The following KCNN2 variants were observed in gnomAD, a reference collection of about 807,000 sequenced individuals.
KCNN2 encodes potassium calcium-activated channel subfamily N member 2.
In KCNN2, 24 loss-of-function variants were observed where a neutral mutation model predicts 55.5. That is an observed-to-expected ratio of 0.43 (90% confidence interval 0.31 to 0.61). KCNN2 has a LOEUF of 0.61. Among genes scored for constraint, KCNN2 ranks in the 20% least tolerant of loss-of-function variants. KCNN2 has a pLI of 0.08. For synonymous variants in KCNN2, 431 were observed against 336.1 expected (o/e 1.28, Z -3.09); for missense variants, 754 against 853.6 (o/e 0.88, Z 1.45).
At chr5:114,058,089 A>G (rs1161283148) in intron 1 of KCNN2, among the ~76,000 whole-genome samples, 1 of 152,204 alleles carries the variant, frequency 6.6e-6, no homozygotes, top group African/African-American at 2.4e-5. Flanking sequence ...TGTTCGACAG[A>G]AGACATGCAT....
At chr5:114,379,172 C>T (rs1758026951) in intron 2 of KCNN2, among the ~76,000 whole-genome samples, 1 of 151,966 alleles carries the variant, frequency 6.6e-6, no homozygotes, top group South Asian at 2.1e-4. Flanking sequence ...CATTTGCTGT[C>T]TTAGAGAAGG....
intron 1 of KCNN2, among the ~76,000 whole-genome samples, chr5:114,123,991 A>C (rs1751878574): frequency 6.6e-6 from 1 of 152,186 alleles, no homozygotes; most frequent in African/African-American, 2.4e-5. Flanking sequence ...TTTTGCAACA[A>C]GAATGTTGTT....
chr5:114,189,431 C>T (rs1296210207), intron 1 of KCNN2, among the ~76,000 whole-genome samples: 1 of 152,050 alleles, frequency 6.6e-6, no homozygotes, highest in African/African-American at 2.4e-5. Context: ...GGATTGAGGC[C>T]ACCCACATTA....
chr5:114,300,869 C>T (rs1018915694), intron 2 of KCNN2, among the ~76,000 whole-genome samples: 6 of 152,096 alleles, frequency 3.9e-5, no homozygotes, highest in African/African-American at 1.2e-4. Flanking sequence ...TGAATTTTAG[C>T]GCTATCCCAC....
chr5:114,148,079 C>T (rs552141115), intron 1 of KCNN2, among the ~76,000 whole-genome samples: 2 of 152,184 alleles, frequency 1.3e-5, no homozygotes, highest in Non-Finnish European at 2.9e-5. Flanking sequence ...GACTGTTAAT[C>T]ATTCCTTGAG....
At chr5:114,286,301 A>T (rs961902491) in intron 2 of KCNN2, among the ~76,000 whole-genome samples, 2 of 152,184 alleles carry the variant, frequency 1.3e-5, no homozygotes. Context: ...TTTAGTTTTG[A>T]ACATGCCCTT....
chr5:114,087,576 C>G (rs1327441883), intron 1 of KCNN2, among the ~76,000 whole-genome samples: 2 of 152,112 alleles, frequency 1.3e-5, no homozygotes, highest in Non-Finnish European at 2.9e-5. Context: ...TGTCAAAGAT[C>G]AGATGGCTGT....
At chr5:114,162,419 G>C (rs1001528234) in intron 1 of KCNN2, among the ~76,000 whole-genome samples, 3 of 152,290 alleles carry the variant, frequency 2.0e-5, no homozygotes, top group Non-Finnish European at 4.4e-5. Flanking sequence ...CCTACTGGGG[G>C]GTGCCTCCCA....
chr5:114,188,866 ATCTG>A (rs2112560836), intron 1 of KCNN2, among the ~76,000 whole-genome samples: 1 of 152,310 alleles, frequency 6.6e-6, no homozygotes, highest in South Asian at 2.1e-4. Context: ...GTACTGTAAA[ATCTG>A]TTTTTCTCAA....
At chr5:114,209,229 T>C (rs1753831462) in intron 1 of KCNN2, among the ~76,000 whole-genome samples, 1 of 152,008 alleles carries the variant, frequency 6.6e-6, no homozygotes, top group Admixed American at 6.6e-5. Context: ...TAATTTTTAA[T>C]TTTTGCCTTT....
rs549584259 is a variant in KCNN2, at chr5:114,228,424, CCAAA to C, written c.-185+6862_-185+6865del. On this transcript the variant is annotated intron_variant, in intron 2 of 10. Coordinates refer to the KCNN2 transcript ENST00000512097. ...ATTTCAAATTTAAAAATATTGTCAA[CCAAA>C]CAGATTTTAAAAGCAGACAGTTTAA... Among the ~76,000 whole-genome samples, 241 of 152,074 alleles carry C rather than the reference CCAAA, an allele frequency of 1.6e-3. 1 individual carries two copies. Among genetic ancestry groups the C allele is most frequent in the African/African-American group, 5.3e-3 (220 of 41,536 alleles).
chr5:114,395,016 G>T (rs1472112418), intron 2 of KCNN2, among the ~76,000 whole-genome samples: 1 of 152,130 alleles, frequency 6.6e-6, no homozygotes, highest in Non-Finnish European at 1.5e-5. Flanking sequence ...TTAAGCCCCA[G>T]TTTTTTGCTG....
chr5:114,261,898 A>G (rs563390936), intron 2 of KCNN2, among the ~76,000 whole-genome samples: 5 of 152,310 alleles, frequency 3.3e-5, no homozygotes, highest in African/African-American at 1.2e-4. Context: ...GCACATGGTG[A>G]TGATTGCCTT....
At chr5:114,152,678 A>G (rs1197859436) in intron 1 of KCNN2, among the ~76,000 whole-genome samples, 1 of 152,184 alleles carries the variant, frequency 6.6e-6, no homozygotes, top group African/African-American at 2.4e-5. Flanking sequence ...TGGGGAAACA[A>G]AGACATGACC....
intron 2 of KCNN2, among the ~76,000 whole-genome samples, chr5:114,263,163 C>A (rs532194849): frequency 2.0e-5 from 3 of 151,756 alleles, no homozygotes; most frequent in Admixed American, 1.3e-4. Context: ...TGGCAGAAAG[C>A]TGAAAAAGGA....
intron 3 of KCNN2, among the ~76,000 whole-genome samples, chr5:114,443,932 G>T (rs1289437892): frequency 6.6e-6 from 1 of 152,216 alleles, no homozygotes; most frequent in Non-Finnish European, 1.5e-5. Flanking sequence ...ATGGCTTGGG[G>T]TATATGCTAA....
intron 2 of KCNN2, among the ~76,000 whole-genome samples, chr5:114,373,539 T>C (rs1239696238): frequency 6.7e-6 from 1 of 149,284 alleles, no homozygotes; most frequent in Non-Finnish European, 1.5e-5. Context: ...TAATCAGCTG[T>C]GTGACCTTGG....
chr5:114,420,031 G>A (rs188830523), intron 3 of KCNN2, among the ~76,000 whole-genome samples: 25 of 152,328 alleles, frequency 1.6e-4, no homozygotes, highest in African/African-American at 6.0e-4. Context: ...CATCTACAGA[G>A]AATGCAGTAA....
At chr5:114,247,222 A>G (rs947746732) in intron 2 of KCNN2, among the ~76,000 whole-genome samples, 3 of 147,640 alleles carry the variant, frequency 2.0e-5, no homozygotes, top group Non-Finnish European at 4.5e-5. Flanking sequence ...AAAAAAAAAA[A>G]AGAAAAGAAA....
Sources: gnomAD v4.1 joint callset for allele counts (sites outside exome capture counted in the v4.1 genomes callset) on GRCh38, gnomAD v4.1.1 for gene constraint, MANE v1.5 for transcripts, NCBI Gene and HGNC (gene_info 2026-07-23, HGNC 2026-07-21) for gene names.